IFI44L: variants seen among roughly 807,000 people sequenced by gnomAD.
IFI44L encodes the protein interferon induced protein 44 like.
Under a neutral mutation model 39.3 loss-of-function variants are expected in IFI44L, and 40 were observed. The observed-to-expected ratio is 1.02, with a 90% confidence interval of 0.79 to 1.33. The LOEUF (loss-of-function observed/expected upper bound fraction) is 1.33. Ranked by LOEUF, IFI44L falls within the 40% of genes most tolerant of loss-of-function variation. The pLI, the probability that IFI44L is intolerant of heterozygous loss-of-function variation, is 0.00. For missense variants in IFI44L, 623 were observed against 549.0 expected, an observed-to-expected ratio of 1.13 and a Z score of -1.35; for synonymous variants, 198 against 182.3, an observed-to-expected ratio of 1.09 and a Z score of -0.69.
chr1:78,638,703 ACTTC>A lies in IFI44L; in HGVS notation c.1048+1505_1048+1508del, dbSNP rs751610109. Among the ~76,000 whole-genome samples, 4 of 151,966 alleles carry A rather than the reference ACTTC, an allele frequency of 2.6e-5. No homozygotes were observed. The East Asian group carries it at 7.7e-4, about 29-fold the overall frequency. ...TTCTATTTCTTTGCTGAGACATCCC[ACTTC>A]CTTCATTTGTTTCAAGAATGTTCCT... On this transcript the variant is annotated intron_variant, in intron 6 of 8. Coordinates refer to ENST00000370751, the MANE Select transcript of IFI44L (RefSeq NM_006820.4).
intron 8 of IFI44L, 71 bp downstream of exon 8, chr1:78,641,680 G>A: frequency 2.5e-6 from 4 of 1,607,048 alleles, no homozygotes; most frequent in Non-Finnish European, 3.4e-6. Context: ...TTATACATCA[G>A]TTATTAGATG....
Position 78,635,020 on chromosome 1 carries a change from GTA to G in IFI44L, c.724-315_724-314del, listed in dbSNP as rs201344218. Among the ~76,000 whole-genome samples the G allele has an allele frequency of 1.3e-3, 55 of 41,310 alleles. 2 individuals carry two copies. In the East Asian group the frequency reaches 0.017, roughly 12 times the overall value. The allele number at this position is 41,310 out of a possible 152,430, so 27.1% of individuals were successfully genotyped here. ...TATATATGTGTGTGTGTGTGTGTGT[GTA>G]TGTGTATATATATATATATATACAC... On this transcript the variant is annotated intron_variant, in intron 4 of 8. Transcript: ENST00000370751.
intron 5 of IFI44L, chr1:78,635,815 T>C (rs1249665121): frequency 3.8e-6 from 1 of 260,230 alleles, no homozygotes; most frequent in South Asian, 5.4e-5. Flanking sequence ...TTGGGTTACA[T>C]AGACAAAATA....
rs1647020722 is a variant in IFI44L at position 78,644,045 on chromosome 1, C to G, written c.*2236C>G. The G allele has an allele frequency of 6.6e-6, 1 of 151,960 alleles. No homozygotes were observed. The highest frequency in any genetic ancestry group is 2.4e-5 in the African/African-American group (1 of 41,388). 9.4% of individuals were successfully genotyped at this position (151,960 alleles called of 1,614,324 possible). ...CATACAAATGTAGAAGCAACAGGTC[C>G]AAAAAGTAGGGCATGATTTTCTCCA... On this transcript the variant is annotated 3_prime_UTR_variant, in exon 9 of 9. Coordinates refer to ENST00000370751, the MANE Select transcript of IFI44L (RefSeq NM_006820.4).
At chr1:78,636,914 A>G (rs1652969234) in intron 5 of IFI44L, 118 bp from the exon 6 acceptor site, 3 of 711,476 alleles carry the variant, frequency 4.2e-6, no homozygotes, top group Non-Finnish European at 7.0e-6. Context: ...TTGGGGAAAG[A>G]GTAGCTGAGG....
chr1:78,637,955 A>C (rs986364625), intron 6 of IFI44L, among the ~76,000 whole-genome samples: 1 of 152,138 alleles, frequency 6.6e-6, no homozygotes, highest in South Asian at 2.1e-4. Flanking sequence ...ACATCTCCAG[A>C]AATGTAATGC....
chr1:78,621,227 A>T (rs1652262391), intron 1 of IFI44L, among the ~76,000 whole-genome samples: 1 of 152,224 alleles, frequency 6.6e-6, no homozygotes, highest in Non-Finnish European at 1.5e-5. Context: ...TTACTTAAAT[A>T]CAAAAGCATT....
intron 1 of IFI44L, among the ~76,000 whole-genome samples, chr1:78,625,510 A>G (rs774493109): frequency 2.2e-4 from 34 of 152,160 alleles, no homozygotes; most frequent in Non-Finnish European, 4.6e-4. Context: ...ATTTTAGGAC[A>G]TTCTTTCCCT....
chr1:78,624,226 C>T (rs1285715871), intron 1 of IFI44L, among the ~76,000 whole-genome samples: 1 of 152,082 alleles, frequency 6.6e-6, no homozygotes, highest in Non-Finnish European at 1.5e-5. Flanking sequence ...AGACTCATGA[C>T]CTCAAGTGTT....
chr1:78,624,526 A>G (rs1220915501), intron 1 of IFI44L, among the ~76,000 whole-genome samples: 1 of 152,138 alleles, frequency 6.6e-6, no homozygotes, highest in East Asian at 1.9e-4. Flanking sequence ...CTCCTATAAT[A>G]CACTTGAGAA....
In IFI44L at chr1:78,628,505, T is replaced by C. The variant is rs954400501; in HGVS notation, c.478+112T>C. Reference sequence around the variant, plus strand: ...AAAGTGAAAGGAACAGTTAGATTCATGCCATACTCTTTGATAAATTCTGAA... The same window carrying C: ...AAAGTGAAAGGAACAGTTAGATTCACGCCATACTCTTTGATAAATTCTGAA... On this transcript the variant is annotated intron_variant, in intron 2 of 8. Transcript: ENST00000370751. The C allele has an allele frequency of 1.7e-5, 12 of 688,204 alleles. No homozygotes were observed. The African/African-American group carries it at 2.2e-4, about 12-fold the overall frequency. 42.6% of individuals were successfully genotyped at this position (688,204 alleles called of 1,614,324 possible). A position where few individuals can be genotyped will look rare whatever the true frequency, so the allele number is the denominator to read the frequency against.
intron 6 of IFI44L, among the ~76,000 whole-genome samples, chr1:78,639,211 C>T (rs1218863799): frequency 6.6e-6 from 1 of 152,098 alleles, no homozygotes; most frequent in Non-Finnish European, 1.5e-5. Context: ...CCCAAGTAGC[C>T]TCCCTTGACA....
chr1:78,634,142 T>A (rs935951118), intron 4 of IFI44L, among the ~76,000 whole-genome samples: 9 of 151,980 alleles, frequency 5.9e-5, no homozygotes, highest in African/African-American at 2.2e-4. Context: ...TTAAAAGTAA[T>A]AGAAATCTTA....
Position 78,642,126 on chromosome 1 carries a change from A to G in IFI44L, c.*317A>G. ...ACACTCTATATAGAGCTATGTGAGT[A>G]CTAATCACATTGAATAATAGTTATA... On this transcript the variant is annotated 3_prime_UTR_variant, in exon 9 of 9. Transcript: ENST00000370751. The G allele has an allele frequency of 2.5e-6, 1 of 393,792 alleles. No individual in the cohort carries two copies. The highest frequency in any genetic ancestry group is 5.0e-5 in the East Asian group (1 of 20,140). The allele number at this position is 393,792 out of a possible 1,614,324, so 24.4% of individuals were successfully genotyped here.
At chr1:78,629,280 G>C (rs999301495) in intron 3 of IFI44L, among the ~76,000 whole-genome samples, 5 of 152,052 alleles carry the variant, frequency 3.3e-5, no homozygotes, top group African/African-American at 9.7e-5. Flanking sequence ...TCCTTTCCTT[G>C]AGAAACAGCT....
Position 78,642,637 on chromosome 1 carries a change from T to TGG in IFI44L, c.*831_*832dup, listed in dbSNP as rs1482439813. On this transcript the variant is annotated 3_prime_UTR_variant, in exon 9 of 9. Transcript: ENST00000370751. ...GGAAGACTGAAAGAGAATGAAAAGC[T>TGG]GGGGAGAGGAAATAAAAATAAAGAA... 11 of 151,878 alleles carry TGG rather than the reference T, an allele frequency of 7.2e-5. No individual in the cohort carries two copies. Among genetic ancestry groups the TGG allele is most frequent in the Admixed American group, 6.6e-4 (10 of 15,230 alleles). The allele number at this position is 151,878 out of a possible 1,614,324, so 9.4% of individuals were successfully genotyped here. A position where few individuals can be genotyped will look rare whatever the true frequency, so the allele number is the denominator to read the frequency against.
chr1:78,631,624 C>A (rs1230446819), intron 4 of IFI44L: 1 of 152,030 alleles, frequency 6.6e-6, no homozygotes. Flanking sequence ...AAATAAAATA[C>A]TTTCAGAATT....
rs1652562737 is a variant in IFI44L at position 78,628,050 on chromosome 1, C to T, written c.135C>T (p.Ser45=). 1.2e-6 allele frequency: 2 copies of T among 1,613,022 alleles called. No homozygotes were observed. The highest frequency in any genetic ancestry group is 1.7e-6 in the Non-Finnish European group (2 of 1,179,324). Reference sequence around the variant, plus strand: ...TTGAAGATATGGTTGAAAGATGCAGCCGTCAGGGATGTACTATAACAATGG... The same window carrying T: ...TTGAAGATATGGTTGAAAGATGCAGTCGTCAGGGATGTACTATAACAATGG... ...GSIEDMVERC[S]RQGCTITMAY... The change falls in exon 2 of 9, where the codon AGC becomes AGT. Residue 45 remains serine (S), a synonymous_variant. Transcript: ENST00000370751.
intron 5 of IFI44L, 80 bp downstream of exon 5, chr1:78,635,569 A>G (rs540363498): frequency 5.8e-5 from 74 of 1,276,120 alleles, no homozygotes; most frequent in Non-Finnish European, 1.2e-5. Context: ...ACATAAGGCA[A>G]TTTCAACTCC....
Sources: allele counts gnomAD v4.1 joint callset (sites outside exome capture counted in the v4.1 genomes callset), GRCh38; gene constraint gnomAD v4.1.1; transcripts MANE v1.5; gene names NCBI Gene and HGNC (gene_info 2026-07-23, HGNC 2026-07-21).